SVIL: variants seen among roughly 807,000 people sequenced by gnomAD.
SVIL encodes the protein archvillin.
In SVIL, 101 loss-of-function variants were observed where a neutral mutation model predicts 240.4. The ratio of observed to expected loss-of-function variants is 0.42; its 90% confidence interval spans 0.36 to 0.50. SVIL has a LOEUF of 0.50. Among genes scored for constraint, SVIL ranks in the 20% least tolerant of loss-of-function variants. The pLI is 0.01. For synonymous variants in SVIL, 999 were observed against 1,100.0 expected (o/e 0.91, Z 1.82); for missense variants, 2,512 against 2,818.7 (o/e 0.89, Z 2.46).
At chr10:29,505,085 G>A in intron 17 of SVIL, among the ~76,000 whole-genome samples, 1 of 152,212 alleles carries the variant, frequency 6.6e-6, no homozygotes, top group Non-Finnish European at 1.5e-5. Flanking sequence ...CACTCTGAGA[G>A]GCTGAGGTGG....
chr10:29,524,081 A>C, intron 14 of SVIL, 54 bp from the exon 15 acceptor site: 3 of 1,493,356 alleles, frequency 2.0e-6, no homozygotes. Context: ...TCATCTATAT[A>C]AATCCTGGTT....
intron 2 of SVIL, among the ~76,000 whole-genome samples, chr10:29,669,743 C>T (rs746448077): frequency 1.6e-4 from 24 of 152,076 alleles, no homozygotes; most frequent in Non-Finnish European, 2.2e-4. Context: ...GATGTTGGGA[C>T]GAAGCAGGTT....
chr10:29,719,488 C>T (rs182115940), intron 1 of SVIL, among the ~76,000 whole-genome samples: 14 of 152,206 alleles, frequency 9.2e-5, no homozygotes, highest in Non-Finnish European at 2.1e-4. Context: ...TCAAAAATTA[C>T]CAGGCATGCA....
intron 13 of SVIL, among the ~76,000 whole-genome samples, chr10:29,525,322 A>C (rs1461938488): frequency 1.3e-5 from 2 of 152,238 alleles, no homozygotes; most frequent in Non-Finnish European, 2.9e-5. Flanking sequence ...AGAAAATTTC[A>C]GGTGATTATA....
At chr10:29,678,569 T>C (rs1486398223) in intron 2 of SVIL, among the ~76,000 whole-genome samples, 1 of 152,106 alleles carries the variant, frequency 6.6e-6, no homozygotes, top group East Asian at 1.9e-4. Flanking sequence ...GGCCCAGGGG[T>C]TGGGGACCCT....
At chr10:29,569,151 A>G (rs1310265605) in intron 2 of SVIL, 104 bp downstream of exon 2, 1 of 431,794 alleles carries the variant, frequency 2.3e-6, no homozygotes, top group African/African-American at 2.1e-5. Flanking sequence ...GAGAAAACAT[A>G]TTGCCAAACA....
At chr10:29,675,262 G>A (rs1960110571) in intron 2 of SVIL, among the ~76,000 whole-genome samples, 1 of 152,058 alleles carries the variant, frequency 6.6e-6, no homozygotes, top group Non-Finnish European at 1.5e-5. Context: ...AATTTTGCAG[G>A]GCCAAGGTGG....
intron 36 of SVIL, among the ~76,000 whole-genome samples, chr10:29,459,250 A>G (rs558879894): frequency 6.6e-6 from 1 of 152,166 alleles, no homozygotes; most frequent in Non-Finnish European, 1.5e-5. Context: ...AGCTGGCACT[A>G]TTGGCATGTG....
Position 29,470,293 on chromosome 10 carries a change from C to G in SVIL, c.5826G>C (p.Ala1942=), listed in dbSNP as rs763097398. 4 of 1,614,196 alleles carry G rather than the reference C, an allele frequency of 2.5e-6. No homozygotes were observed. Among genetic ancestry groups the G allele is most frequent in the Non-Finnish European group, 3.4e-6 (4 of 1,180,038 alleles). ...AHTKEVGRTA[A]NKIKEQCPLE... is the part of the protein sequence containing the mutation. ...ACACTCACTGTTCCTTGATCTTGTT[C>G]GCAGCGGTCCTTCCGACCTCCTTCG... The change falls in exon 32 of 38, where the codon GCG becomes GCC. Residue 1942 remains alanine, a synonymous_variant. Coordinates refer to ENST00000355867, the MANE Select transcript of SVIL (RefSeq NM_021738.3).
chr10:29,530,561 C>T, intron 11 of SVIL, 46 bp downstream of exon 11: 1 of 1,609,216 alleles, frequency 6.2e-7, no homozygotes, highest in Non-Finnish European at 8.5e-7. Context: ...GCTGGGATTA[C>T]TGCACCCAGT....
chr10:29,656,015 T>G (rs530911675), intron 3 of SVIL, among the ~76,000 whole-genome samples: 1 of 150,838 alleles, frequency 6.6e-6, no homozygotes, highest in Admixed American at 6.6e-5. Context: ...GGACTACAGG[T>G]ATGTGGCACC....
At chr10:29,547,138 T>C (rs1952769487) in intron 6 of SVIL, among the ~76,000 whole-genome samples, 1 of 152,182 alleles carries the variant, frequency 6.6e-6, no homozygotes, top group Admixed American at 6.5e-5. Context: ...AATCAGAAAA[T>C]GACTTTCTGA....
chr10:29,597,125 T>C (rs907720575), intron 1 of SVIL, among the ~76,000 whole-genome samples: 2 of 152,196 alleles, frequency 1.3e-5, no homozygotes, highest in African/African-American at 4.8e-5. Context: ...TTAAAAGTGT[T>C]AACTGAATGC....
At chr10:29,686,385 A>T (rs1000402215) in intron 2 of SVIL, among the ~76,000 whole-genome samples, 4 of 152,240 alleles carry the variant, frequency 2.6e-5, no homozygotes, top group African/African-American at 9.6e-5. Context: ...TTTAAGAAGA[A>T]CATTTTAAGT....
chr10:29,626,433 A>G (rs977819995), intron 1 of SVIL, among the ~76,000 whole-genome samples: 1 of 152,188 alleles, frequency 6.6e-6, no homozygotes, highest in Non-Finnish European at 1.5e-5. Flanking sequence ...GACACACAGT[A>G]AGTGCTCAGA....
chr10:29,571,254 A>C (rs1955401189), intron 1 of SVIL, among the ~76,000 whole-genome samples: 1 of 152,234 alleles, frequency 6.6e-6, no homozygotes. Context: ...TTAAGCCTGG[A>C]GGCGCTGCAA....
At chr10:29,654,982 C>T (rs1012388485) in intron 3 of SVIL, among the ~76,000 whole-genome samples, 2 of 152,174 alleles carry the variant, frequency 1.3e-5, no homozygotes, top group African/African-American at 4.8e-5. Flanking sequence ...GTGGATCTTC[C>T]TCACTTAGTC....
intron 3 of SVIL, among the ~76,000 whole-genome samples, chr10:29,651,232 C>T (rs901563454): frequency 1.3e-5 from 2 of 152,128 alleles, no homozygotes; most frequent in East Asian, 1.9e-4. Flanking sequence ...ACCTCCAAAC[C>T]CAACCAGCAC....
intron 3 of SVIL, among the ~76,000 whole-genome samples, chr10:29,558,696 G>A (rs1328299241): frequency 6.6e-6 from 1 of 151,624 alleles, no homozygotes; most frequent in Non-Finnish European, 1.5e-5. Context: ...GGAAGCTGAG[G>A]TGTGTGGATC....
Sources: gnomAD v4.1 joint callset for allele counts (sites outside exome capture counted in the v4.1 genomes callset) on GRCh38, gnomAD v4.1.1 for gene constraint, MANE v1.5 for transcripts, NCBI Gene and HGNC (gene_info 2026-07-23, HGNC 2026-07-21) for gene names.